Variants in FUT8 observed in about 807,000 individuals in gnomAD.
FUT8 encodes the protein alpha-(1,6)-fucosyltransferase.
Under a neutral mutation model 71.3 loss-of-function variants are expected in FUT8, and 29 were observed. The ratio of observed to expected loss-of-function variants is 0.41; its 90% CI spans 0.30 to 0.55. FUT8 has a LOEUF of 0.55. Ranked by LOEUF, FUT8 falls within the 20% of genes least tolerant of loss-of-function variation. FUT8 has a pLI of 0.34. For synonymous variants in FUT8, 254 were observed against 239.3 expected, an observed-to-expected ratio of 1.06 and a Z score of -0.57; for missense variants, 544 against 702.1, an observed-to-expected ratio of 0.77 and a Z score of 2.55.
chr14:65,720,641 C>G (rs1022974786), intron 7 of FUT8, among the ~76,000 whole-genome samples: 3 of 152,156 alleles, frequency 2.0e-5, no homozygotes, highest in Admixed American at 2.0e-4. Context: ...GTTACGTGCC[C>G]CCTAGGTCCA....
At chr14:65,580,459 ATATG>A (rs1315231681) in intron 3 of FUT8, among the ~76,000 whole-genome samples, 1 of 151,918 alleles carries the variant, frequency 6.6e-6, no homozygotes, top group Non-Finnish European at 1.5e-5. Flanking sequence ...TAATACATAT[ATATG>A]TATTTTCTAT....
chr14:65,729,743 T>C (rs896561014), intron 9 of FUT8, among the ~76,000 whole-genome samples: 1 of 152,174 alleles, frequency 6.6e-6, no homozygotes, highest in African/African-American at 2.4e-5. Flanking sequence ...CAAACAACCC[T>C]TATAGTACAG....
rs1048983718 is a variant in FUT8, at chr14:65,574,830, G to A, written c.203+13064G>A. On this transcript the variant is annotated intron_variant, in intron 3 of 10. Transcript: ENST00000673929. This position sits in a 1 kb window ranked among gnomAD's most constrained non-coding sequence, Gnocchi z 5.2. ...TGGTTCCTAGTACAAAGATTAAAGGGGCAAATAATGAGCAGATTCTGTGAA... is the reference window on the plus strand; with the variant it reads ...TGGTTCCTAGTACAAAGATTAAAGGAGCAAATAATGAGCAGATTCTGTGAA... Among the ~76,000 whole-genome samples the A allele has an allele frequency of 6.6e-6, 1 of 152,122 alleles. No homozygotes were observed. Among genetic ancestry groups the A allele is most frequent in the Non-Finnish European group, 1.5e-5 (1 of 68,024 alleles).
chr14:65,361,608 C>T, the FUT8 span, among the ~76,000 whole-genome samples: 15 of 149,602 alleles, frequency 1.0e-4, no homozygotes, highest in East Asian at 4.1e-4. Flanking sequence ...GCCAACATGG[C>T]GAAACCCTGT....
At chr14:65,539,551 A>G (rs1415318120) in intron 2 of FUT8, among the ~76,000 whole-genome samples, 1 of 152,210 alleles carries the variant, frequency 6.6e-6, no homozygotes, top group Non-Finnish European at 1.5e-5. Context: ...TGGGCAAGTT[A>G]CTAAATTTTT....
In FUT8 at chr14:65,582,267, T is replaced by A. The variant is rs531446827; in HGVS notation, c.203+20501T>A. 3.9e-5 allele frequency among the ~76,000 whole-genome samples: 6 copies of A among 152,262 alleles called. 1 individual carries two copies. In the South Asian group the frequency reaches 8.3e-4, roughly 21 times the overall value. On this transcript the variant is annotated intron_variant, in intron 3 of 10. Transcript: ENST00000673929. The stretch of plus-strand genomic sequence containing the variant: ...TTTCTTCCATTTTAAATTTATATAT[T>A]TTTTTTCCTGGAAGTGTTATACTAT...
intron 5 of FUT8, among the ~76,000 whole-genome samples, chr14:65,624,812 C>T (rs925403001): frequency 2.0e-5 from 3 of 152,230 alleles, no homozygotes; most frequent in African/African-American, 7.2e-5. Flanking sequence ...CAGTGGCTCA[C>T]ACCTGTAATC....
intron 3 of FUT8, among the ~76,000 whole-genome samples, chr14:65,568,615 G>A (rs1423816367): frequency 6.7e-6 from 1 of 150,152 alleles, no homozygotes; most frequent in Non-Finnish European, 1.5e-5. Flanking sequence ...TTTCTAGTTT[G>A]TTCTTCAACC....
At chr14:65,649,516 T>C (rs1445286724) in intron 6 of FUT8, among the ~76,000 whole-genome samples, 1 of 152,200 alleles carries the variant, frequency 6.6e-6, no homozygotes, top group Non-Finnish European at 1.5e-5. Context: ...ATAGATACTG[T>C]GTGTTTGGCT....
intron 7 of FUT8, among the ~76,000 whole-genome samples, chr14:65,691,226 TTTTC>T (rs932522681): frequency 6.6e-6 from 1 of 151,232 alleles, no homozygotes; most frequent in African/African-American, 2.5e-5. Context: ...TCTGTATACC[TTTTC>T]TTTCTTTCTT....
intron 3 of FUT8, among the ~76,000 whole-genome samples, chr14:65,564,226 ATG>A (rs1886069728): frequency 6.6e-6 from 1 of 152,048 alleles, no homozygotes; most frequent in South Asian, 2.1e-4. Context: ...ATATAAGAAA[ATG>A]TGTTCACAAG....
intron 2 of FUT8, among the ~76,000 whole-genome samples, chr14:65,534,549 C>CTTTTTTTT (rs71126760): frequency 2.5e-5 from 3 of 122,228 alleles, no homozygotes; most frequent in Non-Finnish European, 3.3e-5. Flanking sequence ...GGCTGTTTTT[C>CTTTTTTTT]TTTTTTTTTT....
Position 65,523,420 on chromosome 14 carries a change from T to G in FUT8, c.-227-37917T>G, listed in dbSNP as rs563173819. ...TCCTTCGCCCATTTTTTGATGAGGT[T>G]GTTTGTTTTTTTCTTGTAAATTTGT... On this transcript the variant is annotated intron_variant, in intron 2 of 10. Coordinates refer to ENST00000673929, the MANE Select transcript of FUT8 (RefSeq NM_001371533.1). Among the ~76,000 whole-genome samples the G allele has an allele frequency of 4.2e-3, 531 of 127,394 alleles. 2 individuals carry two copies. The highest frequency in any genetic ancestry group is 0.012 in the African/African-American group (504 of 40,862). The allele number at this position is 127,394 out of a possible 152,430, so 83.6% of individuals were successfully genotyped here.
the FUT8 span, among the ~76,000 whole-genome samples, chr14:65,366,165 G>A: frequency 2.0e-5 from 3 of 152,162 alleles, no homozygotes; most frequent in African/African-American, 4.8e-5. Context: ...GACAGACAAA[G>A]TTTCTACCCT....
intron 3 of FUT8, among the ~76,000 whole-genome samples, chr14:65,614,652 T>G (rs1040547396): frequency 6.6e-6 from 1 of 152,230 alleles, no homozygotes; most frequent in Non-Finnish European, 1.5e-5. Context: ...TGGTTGCTTC[T>G]TCCATCTTCA....
chr14:65,722,176 T>TA (rs2139353848), intron 8 of FUT8, among the ~76,000 whole-genome samples, 155 bp downstream of exon 8: 1 of 152,326 alleles, frequency 6.6e-6, no homozygotes, highest in Non-Finnish European at 1.5e-5. Context: ...ACATGGAGAC[T>TA]ATTTTTTTTT....
At position 65,627,886 on chromosome 14, in the gene FUT8, A is replaced by C. The variant is rs1483959765; in HGVS notation, c.483-1606A>C. Among the ~76,000 whole-genome samples the C allele has an allele frequency of 6.6e-6, 1 of 152,126 alleles. No individual in the cohort carries two copies. Among genetic ancestry groups the C allele is most frequent in the Non-Finnish European group, 1.5e-5 (1 of 68,018 alleles). On this transcript the variant is annotated intron_variant, in intron 5 of 10. Coordinates refer to ENST00000673929, the MANE Select transcript of FUT8 (RefSeq NM_001371533.1). The surrounding 1 kb of genome is among the most constrained non-coding windows in gnomAD (Gnocchi z 4.0). ...AGAGAGATACTTTAACAACTGCCTG[A>C]CCATCACCTGATGGTCGCCTGACAT...
At chr14:65,389,375 A>T in the FUT8 span, among the ~76,000 whole-genome samples, 2,459 of 112,496 alleles carry the variant, frequency 0.022, 61 homozygotes, top group East Asian at 0.1. Context: ...ACACCCTGAT[A>T]TTTTTTTTTT....
At chr14:65,656,373 G>A (rs567984060) in intron 6 of FUT8, among the ~76,000 whole-genome samples, 2 of 152,166 alleles carry the variant, frequency 1.3e-5, no homozygotes, top group South Asian at 4.1e-4. Flanking sequence ...ATTTAAAAAA[G>A]TAATCTCATT....
Sources: allele counts gnomAD v4.1 joint callset (sites outside exome capture counted in the v4.1 genomes callset), GRCh38; gene constraint gnomAD v4.1.1; non-coding constraint Gnocchi (gnomAD v3.1); transcripts MANE v1.5; gene names NCBI Gene and HGNC (gene_info 2026-07-23, HGNC 2026-07-21).